Variants in ABLIM2 observed in about 807,000 individuals in gnomAD.
The protein encoded by ABLIM2 is actin binding LIM protein family member 2.
Under a neutral mutation model 97.7 loss-of-function variants are expected in ABLIM2, and 53 were observed. The observed-to-expected ratio is 0.54, with a 90% CI of 0.44 to 0.68. ABLIM2 has a LOEUF of 0.68. ABLIM2 is among the 30% of genes least tolerant of loss of function. The pLI is 0.00. For synonymous variants in ABLIM2, 361 were observed against 345.8 expected, an observed-to-expected ratio of 1.04 and a Z score of -0.49; for missense variants, 835 against 867.2, an observed-to-expected ratio of 0.96 and a Z score of 0.47.
chr4:8,080,312 C>T (rs1013999548), intron 5 of ABLIM2, among the ~76,000 whole-genome samples: 26 of 152,164 alleles, frequency 1.7e-4, no homozygotes, highest in Admixed American at 1.2e-3. Context: ...GACATCCAGG[C>T]GCCGGAAAGG....
intron 1 of ABLIM2, among the ~76,000 whole-genome samples, chr4:8,141,956 C>G (rs1851052093): frequency 6.6e-6 from 1 of 152,222 alleles, no homozygotes; most frequent in African/African-American, 2.4e-5. Context: ...CAGGAGCCCA[C>G]CAGAAAACCT....
chr4:7,998,667 C>T lies in ABLIM2; in HGVS notation c.1619-5740G>A, dbSNP rs1356203274. The T allele has an allele frequency of 2.0e-6, 1 of 512,044 alleles. No homozygotes were observed. The highest frequency in any genetic ancestry group is 2.0e-5 in the Admixed American group (1 of 50,848). The allele number at this position is 512,044 out of a possible 1,614,324, so 31.7% of individuals were successfully genotyped here. ...AAACACCTGCCTCGTCACCTTTTGC[C>T]ACCACATGGGAGGCTGGGAGTCTGC... On this transcript the variant is annotated intron_variant, in intron 16 of 20. Transcript: ENST00000447017. This position sits in a 1 kb window ranked among gnomAD's most constrained non-coding sequence, Gnocchi z 6.4.
Position 8,054,102 on chromosome 4 carries a change from G to A in ABLIM2, c.822+86C>T. ...CGTGGGACTGGACAATGAGCCTGTA[G>A]AATCTGGTCAGTGTCCTCTTAACTG... On this transcript the variant is annotated intron_variant, in intron 8 of 20. Coordinates refer to ENST00000447017, the MANE Select transcript of ABLIM2 (RefSeq NM_001130083.2). This position sits in a 1 kb window ranked among gnomAD's most constrained non-coding sequence, Gnocchi z 4.9. 1 of 1,476,472 alleles carries A rather than the reference G, an allele frequency of 6.8e-7. No homozygotes were observed. Among genetic ancestry groups the A allele is most frequent in the Non-Finnish European group, 9.5e-7 (1 of 1,056,860 alleles). The allele number at this position is 1,476,472 out of a possible 1,614,324, so 91.5% of individuals were successfully genotyped here.
intron 10 of ABLIM2, 118 bp from the exon 11 acceptor site, chr4:8,029,894 A>G (rs1779789815): frequency 1.5e-6 from 2 of 1,342,244 alleles, no homozygotes; most frequent in East Asian, 2.6e-5. Flanking sequence ...ATGACTCAAC[A>G]TGGCCCCATG....
At chr4:8,096,963 G>T in intron 3 of ABLIM2, 136 bp downstream of exon 3, 1 of 1,132,248 alleles carries the variant, frequency 8.8e-7, no homozygotes, top group Non-Finnish European at 1.2e-6. Flanking sequence ...CAGACTGTGG[G>T]GCCTGGAACA....
intron 1 of ABLIM2, among the ~76,000 whole-genome samples, chr4:8,121,125 T>C (rs1281864939): frequency 6.6e-6 from 1 of 152,198 alleles, no homozygotes; most frequent in Non-Finnish European, 1.5e-5. Context: ...CCCTGGTCAC[T>C]TCCCCGAGCC....
intron 9 of ABLIM2, among the ~76,000 whole-genome samples, chr4:8,038,452 C>T (rs971808463): frequency 2.0e-5 from 3 of 152,274 alleles, no homozygotes; most frequent in African/African-American, 2.4e-5. Context: ...CTCATTATGG[C>T]CCCCAAACTT....
chr4:8,026,872 G>A (rs1777748523), intron 12 of ABLIM2, among the ~76,000 whole-genome samples: 1 of 151,058 alleles, frequency 6.6e-6, no homozygotes, highest in South Asian at 2.1e-4. Flanking sequence ...GTCTGCAGTG[G>A]CCTTTTACCT....
chr4:8,027,971 G>T, intron 11 of ABLIM2, 114 bp from the exon 12 acceptor site: 1 of 751,590 alleles, frequency 1.3e-6, no homozygotes, highest in Non-Finnish European at 2.0e-6. Context: ...CTTGAGGAAT[G>T]CACAACTTTT....
rs530865995 is a variant in ABLIM2, at chr4:8,071,135, G to A, written c.675+6493C>T. ...GTCACACCGCTGTCCCCGTGGATTC[G>A]CCAGCTGAGTCCCAGCTCCCTCTGT... On this transcript the variant is annotated intron_variant, in intron 6 of 20. Coordinates refer to ENST00000447017, the MANE Select transcript of ABLIM2 (RefSeq NM_001130083.2). This position sits in a 1 kb window ranked among gnomAD's most constrained non-coding sequence, Gnocchi z 6.2. Among the ~76,000 whole-genome samples the A allele has an allele frequency of 2.7e-5, 4 of 150,324 alleles. No homozygotes were observed. The highest frequency in any genetic ancestry group is 2.1e-4 in the South Asian group (1 of 4,766).
In ABLIM2 at chr4:7,992,444, G is replaced by C. The variant is rs1170948612; in HGVS notation, c.1680+422C>G. Among the ~76,000 whole-genome samples, 4 of 152,300 alleles carry C rather than the reference G, an allele frequency of 2.6e-5. No individual in the cohort carries two copies. Among genetic ancestry groups the C allele is most frequent in the South Asian group, 4.2e-4 (2 of 4,812 alleles). ...CACGGTAACAGTAATAGCAGGGAAGGCCAGGGCATCCCCGAGAAGGAGGTG... is the reference window on the plus strand; with the variant it reads ...CACGGTAACAGTAATAGCAGGGAAGCCCAGGGCATCCCCGAGAAGGAGGTG... On this transcript the variant is annotated intron_variant, in intron 17 of 20. Transcript: ENST00000447017. This position sits in a 1 kb window ranked among gnomAD's most constrained non-coding sequence, Gnocchi z 5.7.
intron 1 of ABLIM2, among the ~76,000 whole-genome samples, chr4:8,133,404 G>A (rs1339566774): frequency 6.6e-6 from 1 of 152,162 alleles, no homozygotes; most frequent in Non-Finnish European, 1.5e-5. Context: ...CCCGTCCCCT[G>A]CGGGGTATCT....
rs201606802 is a variant in ABLIM2, at chr4:7,986,829, C to T, written c.1681-1936G>A. On this transcript the variant is annotated intron_variant, in intron 17 of 20. Transcript: ENST00000447017. This position sits in a 1 kb window ranked among gnomAD's most constrained non-coding sequence, Gnocchi z 4.3. ...CTGGGATTACAGGCGCCTACCACCA[C>T]GGCGAGATAATTTTTGTATTTTTAG... 1.4e-4 allele frequency among the ~76,000 whole-genome samples: 21 copies of T among 152,210 alleles called. 1 individual carries two copies. In the South Asian group the frequency reaches 2.5e-3, roughly 18 times the overall value.
At position 8,155,514 on chromosome 4, in the gene ABLIM2, A is replaced by G. The variant is rs1715011927; in HGVS notation, c.10+3166T>C. 6.6e-6 allele frequency among the ~76,000 whole-genome samples: 1 copy of G among 152,194 alleles called. No homozygotes were observed. The highest frequency in any genetic ancestry group is 1.9e-4 in the East Asian group (1 of 5,194). On this transcript the variant is annotated intron_variant, in intron 1 of 20. Coordinates refer to ENST00000447017, the MANE Select transcript of ABLIM2 (RefSeq NM_001130083.2). This position sits in a 1 kb window ranked among gnomAD's most constrained non-coding sequence, Gnocchi z 4.2. ...CTTCCAGTTCCATGATCCTAAGAGC[A>G]GCATGGAAACAGAAGGCTGAGCCAG... is the stretch of plus-strand genomic sequence containing the variant.
chr4:8,094,504 C>T lies in ABLIM2; in HGVS notation c.338+2595G>A, dbSNP rs146240838. Among the ~76,000 whole-genome samples the T allele has an allele frequency of 1.6e-3, 251 of 152,226 alleles. 3 individuals carry two copies. The highest frequency in any genetic ancestry group is 0.015 in the Admixed American group (237 of 15,300). On this transcript the variant is annotated intron_variant, in intron 3 of 20. Coordinates refer to ENST00000447017, the MANE Select transcript of ABLIM2 (RefSeq NM_001130083.2). ...TGATCGATCGAGCAAGCAGGGTATACGTGACTGGGGGCTGCATGCACCGGT... is the reference window on the plus strand; with the variant it reads ...TGATCGATCGAGCAAGCAGGGTATATGTGACTGGGGGCTGCATGCACCGGT...
At chr4:8,091,372 C>CATAGAATTATATTAT (rs1827706252) in intron 3 of ABLIM2, among the ~76,000 whole-genome samples, 1 of 37,338 alleles carries the variant, frequency 2.7e-5, no homozygotes, top group African/African-American at 1.0e-4. Flanking sequence ...TATTATATTA[C>CATAGAATTATATTAT]ATATAATTAT....
chr4:7,965,857 G>A lies in ABLIM2; in HGVS notation c.*1133C>T, dbSNP rs748542841. ...GGTTGTCTGTTTCAGGGAGCACATC[G>A]CTCCTGGGGCATGTGGGGTTTATGT... On this transcript the variant is annotated 3_prime_UTR_variant, in exon 21 of 21. Coordinates refer to ENST00000447017, the MANE Select transcript of ABLIM2 (RefSeq NM_001130083.2). 2.0e-5 allele frequency: 3 copies of A among 152,060 alleles called. No individual in the cohort carries two copies. Among genetic ancestry groups the A allele is most frequent in the Admixed American group, 6.6e-5 (1 of 15,250 alleles). The allele number at this position is 152,060 out of a possible 1,614,324, so 9.4% of individuals were successfully genotyped here.
intron 19 of ABLIM2, 21 bp from the exon 20 acceptor site, chr4:7,983,365 A>G: frequency 6.2e-7 from 1 of 1,608,066 alleles, no homozygotes; most frequent in Admixed American, 1.7e-5. Flanking sequence ...AGGAAACCAC[A>G]GGGTCACCTC....
intron 12 of ABLIM2, among the ~76,000 whole-genome samples, chr4:8,024,320 C>G (rs1178043735): frequency 6.6e-6 from 1 of 152,114 alleles, no homozygotes; most frequent in Non-Finnish European, 1.5e-5. Flanking sequence ...GAAATTCACA[C>G]AAAAGTGCCC....
Sources: allele counts gnomAD v4.1 joint callset (sites outside exome capture counted in the v4.1 genomes callset), GRCh38; gene constraint gnomAD v4.1.1; non-coding constraint Gnocchi (gnomAD v3.1); transcripts MANE v1.5; gene names NCBI Gene and HGNC (gene_info 2026-07-23, HGNC 2026-07-21).